Variants in DACH1 observed in about 807,000 individuals in gnomAD.
DACH1 encodes the protein dachshund family transcription factor 1.
In DACH1, 12 loss-of-function variants were observed where a neutral mutation model predicts 54.2. That is an observed-to-expected ratio of 0.22 (90% confidence interval 0.14 to 0.36). The LOEUF is 0.36. Ranked by LOEUF, DACH1 falls within the 10% of genes least tolerant of loss-of-function variation. The pLI is 1.00. For synonymous variants in DACH1, 386 were observed against 366.2 expected (o/e 1.05, Z -0.62); for missense variants, 805 against 929.8 (o/e 0.87, Z 1.75).
At chr13:71,498,136 A>T (rs1357809594) in intron 6 of DACH1, among the ~76,000 whole-genome samples, 3 of 152,174 alleles carry the variant, frequency 2.0e-5, no homozygotes, top group Non-Finnish European at 4.4e-5. Flanking sequence ...GTGTTGCCTA[A>T]TTTAATGCAT....
intron 1 of DACH1, among the ~76,000 whole-genome samples, chr13:71,748,716 A>T (rs9542745): frequency 0.74 from 113,268 of 152,074 alleles, 44,840 homozygotes; most frequent in Non-Finnish European, 0.9. Flanking sequence ...TTAGCTCAGA[A>T]AATAATGTAA....
At chr13:71,862,242 T>C (rs1874408220) in intron 1 of DACH1, among the ~76,000 whole-genome samples, 1 of 151,982 alleles carries the variant, frequency 6.6e-6, no homozygotes, top group African/African-American at 2.4e-5. Context: ...TAAAACAGGG[T>C]CACTTTTTTA....
At chr13:71,582,458 C>T (rs1314423397) in intron 3 of DACH1, among the ~76,000 whole-genome samples, 1 of 151,970 alleles carries the variant, frequency 6.6e-6, no homozygotes, top group Admixed American at 6.6e-5. Context: ...GGTAGACAGC[C>T]TAAAGAAAGA....
intron 1 of DACH1, among the ~76,000 whole-genome samples, chr13:71,808,011 T>C (rs1246190860): frequency 6.6e-6 from 1 of 152,172 alleles, no homozygotes; most frequent in Non-Finnish European, 1.5e-5. Context: ...ACCTGAATTA[T>C]ACATCTCCCC....
At chr13:71,751,329 G>T (rs1884915699) in intron 1 of DACH1, among the ~76,000 whole-genome samples, 1 of 152,140 alleles carries the variant, frequency 6.6e-6, no homozygotes, top group Non-Finnish European at 1.5e-5. Flanking sequence ...GGCAACAACA[G>T]CTATGACAGC....
At chr13:71,622,578 T>C (rs1469599085) in intron 3 of DACH1, among the ~76,000 whole-genome samples, 1 of 152,032 alleles carries the variant, frequency 6.6e-6, no homozygotes, top group South Asian at 2.1e-4. Context: ...TGGTTTCTTT[T>C]TACTTTCTTT....
chr13:71,848,444 A>G (rs888418351), intron 1 of DACH1, among the ~76,000 whole-genome samples: 2 of 152,214 alleles, frequency 1.3e-5, no homozygotes, highest in Admixed American at 1.3e-4. Context: ...GCAAATTGTG[A>G]TAGCAAGAAC....
At chr13:71,788,539 C>T (rs1886700344) in intron 1 of DACH1, among the ~76,000 whole-genome samples, 1 of 151,804 alleles carries the variant, frequency 6.6e-6, no homozygotes, top group Non-Finnish European at 1.5e-5. Flanking sequence ...TATATTTGTC[C>T]TGTCTGCTAT....
chr13:71,452,147 TTA>T (rs1291812729), intron 10 of DACH1, among the ~76,000 whole-genome samples: 1 of 152,180 alleles, frequency 6.6e-6, no homozygotes, highest in Admixed American at 6.5e-5. Context: ...TTGTTTTGTT[TTA>T]GACAGGGTTT....
intron 6 of DACH1, among the ~76,000 whole-genome samples, chr13:71,507,480 A>G (rs1230606606): frequency 6.6e-6 from 1 of 152,186 alleles, no homozygotes; most frequent in Non-Finnish European, 1.5e-5. Flanking sequence ...CTTTTTATGA[A>G]ATGCAATTAA....
At chr13:71,705,324 A>G (rs1027695099) in intron 1 of DACH1, among the ~76,000 whole-genome samples, 3 of 152,184 alleles carry the variant, frequency 2.0e-5, no homozygotes, top group African/African-American at 7.2e-5. Context: ...ACAACCAGAA[A>G]CTAGAAAATG....
intron 1 of DACH1, among the ~76,000 whole-genome samples, chr13:71,719,675 G>A (rs147376178): frequency 1.3e-5 from 2 of 151,916 alleles, no homozygotes; most frequent in South Asian, 2.1e-4. Flanking sequence ...TCTCAGCCTC[G>A]GTAACATACT....
At chr13:71,459,811 T>C (rs1465577347) in intron 10 of DACH1, among the ~76,000 whole-genome samples, 2 of 152,038 alleles carry the variant, frequency 1.3e-5, no homozygotes, top group African/African-American at 4.8e-5. Flanking sequence ...TTGCTAAAAT[T>C]ATACACATAT....
At chr13:71,559,685 A>G (rs1851881306) in intron 5 of DACH1, 135 bp downstream of exon 5, 6 of 1,099,158 alleles carry the variant, frequency 5.5e-6, no homozygotes, top group Non-Finnish European at 7.8e-6. Flanking sequence ...CATAATTTTG[A>G]GAGATGGCTA....
rs373955758 is a variant in DACH1 at position 71,625,393 on chromosome 13, A to C, written c.1126+5163T>G. Among the ~76,000 whole-genome samples the C allele has an allele frequency of 2.6e-4, 39 of 152,076 alleles. 2 individuals are homozygous for C. The East Asian group carries it at 3.7e-3, about 14-fold the overall frequency. ...TCATAAAATTAATCTTTTCCTTCCA[A>C]ATAGACACATGTGTTAGAAGAAAGG... On this transcript the variant is annotated intron_variant, in intron 3 of 10. Coordinates refer to ENST00000613252, the MANE Select transcript of DACH1 (RefSeq NM_080759.6).
intron 2 of DACH1, among the ~76,000 whole-genome samples, chr13:71,646,260 C>T (rs544337259): frequency 6.6e-6 from 1 of 151,798 alleles, no homozygotes; most frequent in Non-Finnish European, 1.5e-5. Context: ...TCACTTGAAC[C>T]CGGGAGGCAG....
At chr13:71,549,648 ACT>A (rs1476568315) in intron 6 of DACH1, among the ~76,000 whole-genome samples, 2 of 152,060 alleles carry the variant, frequency 1.3e-5, no homozygotes, top group Admixed American at 6.6e-5. Flanking sequence ...CCAATAAATG[ACT>A]CTATTTTTAA....
At chr13:71,825,914 T>C (rs1200648427) in intron 1 of DACH1, among the ~76,000 whole-genome samples, 2 of 152,248 alleles carry the variant, frequency 1.3e-5, no homozygotes, top group Non-Finnish European at 2.9e-5. Flanking sequence ...AGCCAATACA[T>C]GGAATATATT....
intron 7 of DACH1, among the ~76,000 whole-genome samples, chr13:71,480,309 A>T (rs980503776): frequency 1.3e-5 from 2 of 152,220 alleles, no homozygotes; most frequent in Non-Finnish European, 2.9e-5. Context: ...ACTTCTAGGA[A>T]ATGATTAGAC....
Sources: allele counts gnomAD v4.1 joint callset (sites outside exome capture counted in the v4.1 genomes callset), GRCh38; gene constraint gnomAD v4.1.1; transcripts MANE v1.5; gene names NCBI Gene and HGNC (gene_info 2026-07-23, HGNC 2026-07-21).